Variants in IKZF3 observed in about 807,000 individuals in gnomAD.
The protein encoded by IKZF3 is zinc finger protein Aiolos.
IKZF3 carries 10 observed loss-of-function variants against 49.0 expected under a neutral mutation model. The observed-to-expected ratio is 0.20, with a 90% CI of 0.13 to 0.35. The LOEUF (loss-of-function observed/expected upper bound fraction) is 0.35, where lower values mean the gene tolerates loss of function less well. Among genes scored for constraint, IKZF3 ranks in the 10% least tolerant of loss-of-function variants. The pLI is 1.00. For missense variants in IKZF3, 498 were observed against 664.8 expected (o/e 0.75, Z 2.76); for synonymous variants, 209 against 228.2 (o/e 0.92, Z 0.76).
chr17:39,837,306 T>C (rs903674500), intron 1 of IKZF3, among the ~76,000 whole-genome samples: 5 of 152,192 alleles, frequency 3.3e-5, no homozygotes. Flanking sequence ...TAAAGAACTT[T>C]AGCATTTTTA....
At chr17:39,800,355 T>C (rs8182281) in intron 3 of IKZF3, among the ~76,000 whole-genome samples, 2 of 152,278 alleles carry the variant, frequency 1.3e-5, no homozygotes, top group East Asian at 3.9e-4. Flanking sequence ...CTTTAATCTA[T>C]ACATGTAATT....
intron 6 of IKZF3, chr17:39,777,997 T>A (rs2143728412): frequency 8.3e-7 from 1 of 1,205,612 alleles, no homozygotes; most frequent in South Asian, 2.9e-5. Context: ...GCTCGACCCA[T>A]CCCCAACCAG....
At chr17:39,792,136 G>T (rs2061040004) in intron 4 of IKZF3, among the ~76,000 whole-genome samples, 1 of 151,964 alleles carries the variant, frequency 6.6e-6, no homozygotes, top group Non-Finnish European at 1.5e-5. Flanking sequence ...AGGTGTTGAG[G>T]GCTAGAAATT....
chr17:39,850,689 TTATA>T (rs979004912), intron 1 of IKZF3, among the ~76,000 whole-genome samples: 1 of 109,974 alleles, frequency 9.1e-6, no homozygotes, highest in Admixed American at 9.0e-5. Flanking sequence ...TATACACATA[TTATA>T]TATACATTAT....
At chr17:39,788,191 T>C in intron 6 of IKZF3, 67 bp downstream of exon 6, 1 of 920,080 alleles carries the variant, frequency 1.1e-6, no homozygotes, top group Non-Finnish European at 1.7e-6. Context: ...CGAGTCTTTT[T>C]ACTTACTATT....
At chr17:39,823,371 G>A (rs1598117308) in intron 3 of IKZF3, among the ~76,000 whole-genome samples, 1 of 152,146 alleles carries the variant, frequency 6.6e-6, no homozygotes, top group East Asian at 1.9e-4. Context: ...GCGTTCAAGA[G>A]GAAGCAGGGC....
intron 1 of IKZF3, among the ~76,000 whole-genome samples, chr17:39,838,146 C>T (rs186562401): frequency 2.0e-5 from 3 of 152,260 alleles, no homozygotes; most frequent in African/African-American, 7.2e-5. Context: ...TGTACAGTTA[C>T]GTTTTTCACC....
intron 6 of IKZF3, among the ~76,000 whole-genome samples, chr17:39,785,749 C>A (rs1598001448): frequency 6.6e-6 from 1 of 151,858 alleles, no homozygotes; most frequent in African/African-American, 2.4e-5. Context: ...TAATATATAA[C>A]CTTTAAGAAA....
chr17:39,778,917 A>T (rs548271552), intron 6 of IKZF3, among the ~76,000 whole-genome samples: 54 of 152,314 alleles, frequency 3.5e-4, no homozygotes, highest in African/African-American at 9.1e-4. Context: ...TGCACATTAG[A>T]CTCACCTGAA....
chr17:39,792,602 T>C, intron 4 of IKZF3, 71 bp downstream of exon 4: 1 of 1,501,014 alleles, frequency 6.7e-7, no homozygotes, highest in Non-Finnish European at 9.0e-7. Context: ...AGTTCCAAAT[T>C]CCACCACTTC....
intron 1 of IKZF3, among the ~76,000 whole-genome samples, chr17:39,855,870 A>T (rs2063024755): frequency 6.6e-6 from 1 of 152,146 alleles, no homozygotes; most frequent in Non-Finnish European, 1.5e-5. Context: ...TCTGAACATA[A>T]AAATCAAACA....
chr17:39,864,166 T>A lies in IKZF3; in HGVS notation c.-40A>T, dbSNP rs1453559. On this transcript the variant is annotated 5_prime_UTR_variant, in exon 1 of 8. Transcript: ENST00000346872. ...GGGCTGGAGCTGCCGCTGTGGCTAC[T>A]CGGCCTCTCCACGTGCTCCTGCCGT... is the stretch of plus-strand genomic sequence containing the variant. 1.2e-6 allele frequency: 2 copies of A among 1,609,348 alleles called. No homozygotes were observed. Among genetic ancestry groups the A allele is most frequent in the Admixed American group, 3.4e-5 (2 of 59,592 alleles).
At chr17:39,795,697 G>A (rs947337915) in intron 3 of IKZF3, among the ~76,000 whole-genome samples, 7 of 151,074 alleles carry the variant, frequency 4.6e-5, no homozygotes. Flanking sequence ...CTGAGCCACC[G>A]TGTCCAACCA....
At chr17:39,850,706 ATAATACATT>A (rs2144511535) in intron 1 of IKZF3, among the ~76,000 whole-genome samples, 7 of 2,276 alleles carry the variant, frequency 3.1e-3, no homozygotes, top group Non-Finnish European at 4.2e-3. Flanking sequence ...TACATTATAT[ATAATACATT>A]ATATATATAC....
chr17:39,821,283 G>A (rs1249632434), intron 3 of IKZF3, among the ~76,000 whole-genome samples: 2 of 152,060 alleles, frequency 1.3e-5, no homozygotes, highest in East Asian at 1.9e-4. Flanking sequence ...ACCCAACAAC[G>A]GAATGGCCTA....
intron 1 of IKZF3, among the ~76,000 whole-genome samples, chr17:39,853,361 A>G (rs186092152): frequency 2.6e-5 from 4 of 152,318 alleles, no homozygotes; most frequent in Admixed American, 2.0e-4. Flanking sequence ...TCAAAATTAA[A>G]CTTTATAAAA....
intron 1 of IKZF3, among the ~76,000 whole-genome samples, chr17:39,834,817 A>T (rs760685218): frequency 1.3e-5 from 2 of 152,216 alleles, no homozygotes; most frequent in Non-Finnish European, 2.9e-5. Flanking sequence ...TATCCCAGGC[A>T]GTAAACTCCC....
chr17:39,845,671 T>C (rs1182942684), intron 1 of IKZF3, among the ~76,000 whole-genome samples: 1 of 152,204 alleles, frequency 6.6e-6, no homozygotes, highest in Non-Finnish European at 1.5e-5. Context: ...AAACATTCAC[T>C]ATCTGGTCCT....
chr17:39,765,974 A>C lies in IKZF3; in HGVS notation c.1346T>G (p.Met449Arg). ...GCAGTGGTCACACCGATACACATCC[A>C]TCACCTCCCCTTCCTTGTTGATCAC... is the stretch of plus-strand genomic sequence containing the variant. ...VKVINKEGEVMDVYRCDHCRV... is the reference protein window; with the variant it reads ...VKVINKEGEVRDVYRCDHCRV... The change falls in exon 8 of 8, where the codon ATG becomes AGG. Residue 449 changes from methionine to arginine, a missense_variant. Met to Arg is a moderately conservative substitution (Grantham distance 91). Transcript: ENST00000346872. The C allele has an allele frequency of 6.2e-7, 1 of 1,614,188 alleles. No homozygotes were observed. Among genetic ancestry groups the C allele is most frequent in the Non-Finnish European group, 8.5e-7 (1 of 1,180,004 alleles).
Sources: gnomAD v4.1 joint callset for allele counts (sites outside exome capture counted in the v4.1 genomes callset) on GRCh38, gnomAD v4.1.1 for gene constraint, MANE v1.5 for transcripts, NCBI Gene and HGNC (gene_info 2026-07-23, HGNC 2026-07-21) for gene names.